Variants in CDK14 observed in about 807,000 individuals in gnomAD.
CDK14 encodes the protein cyclin dependent kinase 14.
A neutral mutation model predicts 60.7 loss-of-function variants in CDK14; 34 were observed. The observed-to-expected ratio is 0.56, with a 90% CI of 0.43 to 0.75. CDK14 has a LOEUF of 0.75. CDK14 is among the 30% of genes least tolerant of loss of function. The pLI is 0.00. For missense variants in CDK14, 482 were observed against 564.1 expected (o/e 0.85, Z 1.47); for synonymous variants, 197 against 203.7 (o/e 0.97, Z 0.28).
intron 14 of CDK14, among the ~76,000 whole-genome samples, chr7:91,158,156 A>G (rs1029940051): frequency 1.1e-4 from 16 of 148,184 alleles, no homozygotes; most frequent in Admixed American, 1.4e-4. Context: ...ATAAATATAC[A>G]TTAAATATAT....
intron 2 of CDK14, among the ~76,000 whole-genome samples, chr7:90,610,006 A>C (rs1040236202): frequency 3.9e-5 from 6 of 152,204 alleles, no homozygotes; most frequent in Non-Finnish European, 8.8e-5. Flanking sequence ...TCCTAGATTT[A>C]AAATATTAAA....
intron 8 of CDK14, among the ~76,000 whole-genome samples, chr7:90,943,907 T>C (rs1424024041): frequency 2.0e-5 from 3 of 151,996 alleles, no homozygotes; most frequent in African/African-American, 4.8e-5. Context: ...TGTTGGGAGG[T>C]GGGACCTTTA....
Position 90,770,943 on chromosome 7 carries a change from A to G in CDK14, c.465-19630A>G, listed in dbSNP as rs1165724881. Reference sequence around the variant, plus strand: ...CATCCTTGACAGCGCTGCACAGACCAGTTTTAGCAAGAGTCTTGCTTAGTC... The same window carrying G: ...CATCCTTGACAGCGCTGCACAGACCGGTTTTAGCAAGAGTCTTGCTTAGTC... On this transcript the variant is annotated intron_variant, in intron 4 of 14. Coordinates refer to ENST00000380050, the MANE Select transcript of CDK14 (RefSeq NM_001287135.2). Among the ~76,000 whole-genome samples, 4 of 152,304 alleles carry G rather than the reference A, an allele frequency of 2.6e-5. No individual in the cohort carries two copies. In the East Asian group the frequency reaches 7.7e-4, roughly 29 times the overall value.
intron 14 of CDK14, among the ~76,000 whole-genome samples, chr7:91,186,537 T>A (rs1463030741): frequency 6.6e-6 from 1 of 151,502 alleles, no homozygotes; most frequent in Non-Finnish European, 1.5e-5. Flanking sequence ...CTCCTAATGG[T>A]TCACTTATTG....
At chr7:90,856,813 GA>G (rs1245132211) in intron 5 of CDK14, among the ~76,000 whole-genome samples, 2 of 151,916 alleles carry the variant, frequency 1.3e-5, no homozygotes, top group Admixed American at 6.6e-5. Context: ...CTGTGGGCTT[GA>G]AAAAAAAGTT....
intron 5 of CDK14, among the ~76,000 whole-genome samples, chr7:90,822,176 A>G (rs1469197167): frequency 1.3e-5 from 2 of 152,234 alleles, no homozygotes; most frequent in Non-Finnish European, 2.9e-5. Context: ...ATCTAGCAGA[A>G]TGCTAGGCTC....
intron 4 of CDK14, among the ~76,000 whole-genome samples, chr7:90,748,227 C>A (rs1803675726): frequency 6.6e-6 from 1 of 152,076 alleles, no homozygotes; most frequent in South Asian, 2.1e-4. Context: ...GCAAACTTTT[C>A]TTTTTCTTTC....
rs1276886463 is a variant in CDK14, at chr7:90,806,836, T to G, written c.544+16184T>G. Among the ~76,000 whole-genome samples the G allele has an allele frequency of 2.6e-5, 4 of 151,706 alleles. No individual in the cohort carries two copies. The East Asian group carries it at 7.8e-4, about 30-fold the overall frequency. On this transcript the variant is annotated intron_variant, in intron 5 of 14. Transcript: ENST00000380050. ...GGAGATTATATCCCGTGCCTGGCTC[T>G]GAGGGTCCTACACCCGCGGAGCCTC...
intron 9 of CDK14, among the ~76,000 whole-genome samples, chr7:90,964,261 AG>A (rs1295488191): frequency 6.6e-6 from 1 of 152,128 alleles, no homozygotes; most frequent in Non-Finnish European, 1.5e-5. Flanking sequence ...TCTGTTTGTC[AG>A]GGGTTTTAAC....
At chr7:90,609,954 C>T (rs778292120) in intron 2 of CDK14, among the ~76,000 whole-genome samples, 1 of 152,178 alleles carries the variant, frequency 6.6e-6, no homozygotes, top group Non-Finnish European at 1.5e-5. Flanking sequence ...ACCTGCTTTA[C>T]CCTTATTTGG....
intron 12 of CDK14, among the ~76,000 whole-genome samples, chr7:91,104,791 G>C (rs1428655572): frequency 6.6e-6 from 1 of 152,156 alleles, no homozygotes; most frequent in Admixed American, 6.5e-5. Context: ...ATCAACTTCA[G>C]ATAATTAGTT....
At chr7:90,845,681 G>A (rs1163595831) in intron 5 of CDK14, among the ~76,000 whole-genome samples, 1 of 151,946 alleles carries the variant, frequency 6.6e-6, no homozygotes, top group Non-Finnish European at 1.5e-5. Context: ...TGTATTATTC[G>A]TATCACAGGT....
At chr7:90,691,692 T>C (rs1801556744) in intron 2 of CDK14, among the ~76,000 whole-genome samples, 1 of 151,868 alleles carries the variant, frequency 6.6e-6, no homozygotes, top group Non-Finnish European at 1.5e-5. Context: ...CAGTAGGGAG[T>C]AGCAGGAAAC....
At chr7:91,061,585 G>T (rs185545843) in intron 11 of CDK14, among the ~76,000 whole-genome samples, 3 of 152,020 alleles carry the variant, frequency 2.0e-5, no homozygotes, top group East Asian at 1.9e-4. Context: ...TTTGGTGTGG[G>T]TGTCCTTTCT....
At chr7:91,108,739 C>G (rs766480625) in intron 12 of CDK14, among the ~76,000 whole-genome samples, 2 of 152,164 alleles carry the variant, frequency 1.3e-5, no homozygotes, top group Admixed American at 6.5e-5. Flanking sequence ...AATCTCATTT[C>G]GTGCTATTAT....
chr7:90,903,434 T>C (rs900996427), intron 7 of CDK14, among the ~76,000 whole-genome samples: 1 of 152,082 alleles, frequency 6.6e-6, no homozygotes, highest in African/African-American at 2.4e-5. Flanking sequence ...GAACTGAAGG[T>C]TATTATGTTA....
At chr7:91,138,927 T>C (rs1217957693) in intron 14 of CDK14, among the ~76,000 whole-genome samples, 1 of 152,228 alleles carries the variant, frequency 6.6e-6, no homozygotes, top group Non-Finnish European at 1.5e-5. Flanking sequence ...CGATTCTGGC[T>C]TTCCCTGCTT....
chr7:91,204,853 G>A (rs1252463050), intron 14 of CDK14, among the ~76,000 whole-genome samples: 1 of 152,018 alleles, frequency 6.6e-6, no homozygotes, highest in East Asian at 1.9e-4. Context: ...AGGCTGTGGT[G>A]GGAGGATCAG....
chr7:90,600,691 T>C (rs1283549324), intron 1 of CDK14, among the ~76,000 whole-genome samples: 1 of 152,254 alleles, frequency 6.6e-6, no homozygotes, highest in Non-Finnish European at 1.5e-5. Flanking sequence ...ACACAAAATT[T>C]AACTGTTGTA....
Sources: gnomAD v4.1 joint callset for allele counts (sites outside exome capture counted in the v4.1 genomes callset) on GRCh38, gnomAD v4.1.1 for gene constraint, MANE v1.5 for transcripts, NCBI Gene and HGNC (gene_info 2026-07-23, HGNC 2026-07-21) for gene names.